MAPRE2: variants seen among roughly 807,000 people sequenced by gnomAD.
The protein encoded by MAPRE2 is microtubule associated protein RP/EB family member 2, also known as microtubule-associated protein RP/EB family member 2.
MAPRE2 carries 13 observed loss-of-function variants against 43.2 expected under a neutral mutation model. The ratio of observed to expected loss-of-function variants is 0.30; its 90% CI spans 0.20 to 0.48. The LOEUF is 0.48. Ranked by LOEUF, MAPRE2 falls within the 20% of genes least tolerant of loss-of-function variation. The probability of loss-of-function intolerance (pLI) is 0.99; values close to 1 mark genes in which losing one functional copy is unlikely to be tolerated. For missense variants in MAPRE2, 161 were observed against 400.2 expected, an observed-to-expected ratio of 0.40 and a Z score of 5.10; for synonymous variants, 135 against 148.8, an observed-to-expected ratio of 0.91 and a Z score of 0.68.
chr18:34,982,165 G>A (rs986982915), intron 1 of MAPRE2, among the ~76,000 whole-genome samples: 6 of 152,134 alleles, frequency 3.9e-5, no homozygotes, highest in Non-Finnish European at 7.3e-5. Context: ...TTACAGGCGT[G>A]AGTCACTGCG....
In MAPRE2 at chr18:35,112,510, C is replaced by T. The variant is rs145250749; in HGVS notation, c.610+10351C>T. ...TTACCCAACCCCTACCCCATATTAG[C>T]ATGGCATCCTTTTGACCTGTTCATA... is the stretch of plus-strand genomic sequence containing the variant. On this transcript the variant is annotated intron_variant, in intron 4 of 6. Transcript: ENST00000300249. Among the ~76,000 whole-genome samples the T allele has an allele frequency of 5.9e-3, 897 of 152,224 alleles. 14 individuals carry two copies. Among genetic ancestry groups the T allele is most frequent in the African/African-American group, 0.021 (867 of 41,510 alleles).
chr18:35,119,297 A>G (rs914409348), intron 4 of MAPRE2, among the ~76,000 whole-genome samples: 1 of 152,198 alleles, frequency 6.6e-6, no homozygotes, highest in African/African-American at 2.4e-5. Context: ...GTGGATGCTT[A>G]GGCCTTCCAT....
rs763119210 is a variant in MAPRE2, at chr18:35,054,098, CA to C, written c.122+12438del. Among the ~76,000 whole-genome samples, 8 of 152,144 alleles carry C rather than the reference CA, an allele frequency of 5.3e-5. 1 individual carries two copies. In the South Asian group the frequency reaches 6.2e-4, roughly 12 times the overall value. ...AAGATCCCTAAACTTGATCTCTTTCCATTCCCATTCCATCTAATTTGGCAGT... is the reference window on the plus strand; with the variant it reads ...AAGATCCCTAAACTTGATCTCTTTCCTTCCCATTCCATCTAATTTGGCAGT... On this transcript the variant is annotated intron_variant, in intron 1 of 6. Coordinates refer to ENST00000300249, the MANE Select transcript of MAPRE2 (RefSeq NM_014268.4).
At chr18:35,049,157 C>A (rs1169330162) in intron 1 of MAPRE2, among the ~76,000 whole-genome samples, 1 of 152,030 alleles carries the variant, frequency 6.6e-6, no homozygotes, top group Non-Finnish European at 1.5e-5. Context: ...GGTAATTTGT[C>A]AAAAAACATC....
intron 2 of MAPRE2, among the ~76,000 whole-genome samples, chr18:35,078,527 T>G (rs1907478636): frequency 6.6e-6 from 1 of 152,220 alleles, no homozygotes; most frequent in South Asian, 2.1e-4. Flanking sequence ...ATTTTATTCC[T>G]ATTTTATGAG....
At position 35,098,443 on chromosome 18, in the gene MAPRE2, A is replaced by C. The variant is rs148596018; in HGVS notation, c.396+852A>C. 4.6e-3 allele frequency among the ~76,000 whole-genome samples: 708 copies of C among 152,324 alleles called. 5 individuals are homozygous for C. Among genetic ancestry groups the C allele is most frequent in the Admixed American group, 7.4e-3 (113 of 15,288 alleles). On this transcript the variant is annotated intron_variant, in intron 3 of 6. Coordinates refer to ENST00000300249, the MANE Select transcript of MAPRE2 (RefSeq NM_014268.4). ...GTTATAAAAGACAGAGATTAAAGGAAAGTTTGATAAACTATGTATTTTGTA... is the reference window on the plus strand; with the variant it reads ...GTTATAAAAGACAGAGATTAAAGGACAGTTTGATAAACTATGTATTTTGTA...
chr18:35,129,860 C>T (rs1910069058), intron 5 of MAPRE2, among the ~76,000 whole-genome samples: 1 of 152,144 alleles, frequency 6.6e-6, no homozygotes, highest in Non-Finnish European at 1.5e-5. Context: ...CTGCCATAAC[C>T]CAAGAGGGAT....
At chr18:35,124,169 G>A (rs141758009) in intron 4 of MAPRE2, among the ~76,000 whole-genome samples, 190 of 152,260 alleles carry the variant, frequency 1.2e-3, no homozygotes, top group Non-Finnish European at 1.9e-3. Context: ...CAGGGCTAGG[G>A]AGGCCTCAGA....
chr18:35,008,020 C>T lies in MAPRE2; in HGVS notation c.-8+2467C>T, dbSNP rs75110460. 6.7e-3 allele frequency among the ~76,000 whole-genome samples: 1,016 copies of T among 152,242 alleles called. 11 individuals carry two copies. Among genetic ancestry groups the T allele is most frequent in the African/African-American group, 0.023 (968 of 41,552 alleles). On this transcript the variant is annotated intron_variant, in intron 2 of 7. Transcript: ENST00000413393. ...TGTGGGGGAAGGAAGGTTCTGAAAC[C>T]AATCCCCTAGGGAAAGCTGTATTGA... is the stretch of plus-strand genomic sequence containing the variant.
chr18:35,127,546 T>G (rs1909960943), intron 5 of MAPRE2: 1 of 155,422 alleles, frequency 6.4e-6, no homozygotes, highest in African/African-American at 2.4e-5. Context: ...CTATTAGTAG[T>G]TGAGCTTATT....
chr18:35,080,398 A>G (rs1175394018), intron 2 of MAPRE2, among the ~76,000 whole-genome samples: 2 of 152,202 alleles, frequency 1.3e-5, no homozygotes, highest in Non-Finnish European at 2.9e-5. Flanking sequence ...AGGTCTATTC[A>G]GAGAGAGCAA....
intron 1 of MAPRE2, among the ~76,000 whole-genome samples, chr18:35,052,155 C>G (rs1434803390): frequency 6.6e-6 from 1 of 152,110 alleles, no homozygotes; most frequent in East Asian, 1.9e-4. Flanking sequence ...GTGTGTCCAC[C>G]CTGAAGCCAT....
At chr18:35,000,778 C>A (rs559602738) in intron 1 of MAPRE2, among the ~76,000 whole-genome samples, 3 of 152,096 alleles carry the variant, frequency 2.0e-5, no homozygotes, top group Non-Finnish European at 4.4e-5. Context: ...CTCACAATGG[C>A]TAAAGAATAA....
intron 1 of MAPRE2, among the ~76,000 whole-genome samples, chr18:34,992,850 C>T (rs939277941): frequency 1.3e-5 from 2 of 152,252 alleles, no homozygotes; most frequent in Admixed American, 6.5e-5. Flanking sequence ...AAAGCACCCA[C>T]TCAGAAAACT....
intron 1 of MAPRE2, among the ~76,000 whole-genome samples, chr18:35,004,889 G>T (rs2097031064): frequency 6.7e-6 from 1 of 150,124 alleles, no homozygotes; most frequent in African/African-American, 2.5e-5. Context: ...CTGCACTCCA[G>T]CCTGGGCGAC....
intron 2 of MAPRE2, chr18:35,005,615 G>A (rs2097031505): frequency 6.1e-6 from 6 of 991,674 alleles, no homozygotes; most frequent in Non-Finnish European, 8.9e-6. Context: ...AAAGTGAGTA[G>A]TAATATTGTC....
At chr18:35,004,007 TAA>T (rs1952735906) in intron 1 of MAPRE2, among the ~76,000 whole-genome samples, 1 of 152,232 alleles carries the variant, frequency 6.6e-6, no homozygotes, top group African/African-American at 2.4e-5. Flanking sequence ...CCATTCATGT[TAA>T]GTTTTCTGAT....
chr18:35,071,524 T>G (rs1220570226), intron 2 of MAPRE2, among the ~76,000 whole-genome samples: 2 of 152,228 alleles, frequency 1.3e-5, no homozygotes, highest in Non-Finnish European at 2.9e-5. Flanking sequence ...ATTTCTTCTT[T>G]CCCTTTGGCT....
intron 2 of MAPRE2, among the ~76,000 whole-genome samples, chr18:35,023,850 G>A (rs1467561473): frequency 2.6e-5 from 4 of 152,076 alleles, no homozygotes; most frequent in Admixed American, 6.6e-5. Flanking sequence ...ATTTACTGAT[G>A]CCTTGCTGTT....
Sources: allele counts gnomAD v4.1 joint callset (sites outside exome capture counted in the v4.1 genomes callset), GRCh38; gene constraint gnomAD v4.1.1; transcripts MANE v1.5; gene names NCBI Gene and HGNC (gene_info 2026-07-23, HGNC 2026-07-21).